DLG2: variants seen among roughly 807,000 people sequenced by gnomAD.
The protein encoded by DLG2 is discs large MAGUK scaffold protein 2.
DLG2 carries 45 observed loss-of-function variants against 132.5 expected under a neutral mutation model. The ratio of observed to expected loss-of-function variants is 0.34; its 90% CI spans 0.27 to 0.44. DLG2 has a LOEUF of 0.44. DLG2 is among the 20% of genes least tolerant of loss of function. The probability of loss-of-function intolerance (pLI) is 1.00; values close to 1 mark genes in which losing one functional copy is unlikely to be tolerated. For synonymous variants in DLG2, 424 were observed against 419.6 expected (o/e 1.01, Z -0.13); for missense variants, 1,045 against 1,196.9 (o/e 0.87, Z 1.87).
chr11:85,290,765 GA>G (rs1476321660), intron 3 of DLG2, among the ~76,000 whole-genome samples: 2 of 152,024 alleles, frequency 1.3e-5, no homozygotes, highest in African/African-American at 4.8e-5. Context: ...AGAGCTGAGA[GA>G]GCCCCTATTC....
In DLG2 at chr11:83,767,323, T is replaced by A. The variant is rs1190917169; in HGVS notation, c.1825+19367A>T. ...AGGTAAATGTGTGTCATGGTAGTAA[T>A]AATTATTTGATTAGAGAATTATCCC... On this transcript the variant is annotated intron_variant, in intron 18 of 27. Transcript: ENST00000376104. 3.3e-5 allele frequency among the ~76,000 whole-genome samples: 5 copies of A among 152,210 alleles called. No homozygotes were observed. In the East Asian group the frequency reaches 9.6e-4, roughly 29 times the overall value.
intron 3 of DLG2, chr11:85,286,067 G>A (rs1439597676): frequency 2.1e-5 from 9 of 434,640 alleles, no homozygotes; most frequent in Non-Finnish European, 4.1e-5. Flanking sequence ...TAACCTCCAA[G>A]AAGTCAACAG....
chr11:85,220,064 C>CATA (rs1392297563), intron 4 of DLG2, among the ~76,000 whole-genome samples: 1 of 151,950 alleles, frequency 6.6e-6, no homozygotes, highest in Non-Finnish European at 1.5e-5. Context: ...CTTTAACATA[C>CATA]TAGTGGTATG....
chr11:84,390,175 A>T (rs556850401), intron 7 of DLG2, among the ~76,000 whole-genome samples: 1 of 152,310 alleles, frequency 6.6e-6, no homozygotes, highest in South Asian at 2.1e-4. Context: ...TCTCTAATTA[A>T]TCAACACTCT....
intron 6 of DLG2, chr11:85,021,647 T>C (rs1592810990): frequency 8.3e-7 from 1 of 1,199,212 alleles, no homozygotes; most frequent in Non-Finnish European, 1.2e-6. Flanking sequence ...GTAACGTTGC[T>C]AGCCATTGTG....
chr11:85,109,366 C>G (rs1387863265), intron 6 of DLG2, among the ~76,000 whole-genome samples: 1 of 152,110 alleles, frequency 6.6e-6, no homozygotes, highest in Non-Finnish European at 1.5e-5. Context: ...CACCTGACCA[C>G]AGCACTGAGA....
chr11:84,940,179 C>G (rs2049221759), intron 6 of DLG2, among the ~76,000 whole-genome samples: 1 of 152,160 alleles, frequency 6.6e-6, no homozygotes, highest in South Asian at 2.1e-4. Flanking sequence ...TAAATGGACT[C>G]TTGCTCTGTC....
intron 7 of DLG2, among the ~76,000 whole-genome samples, chr11:84,371,730 C>CA (rs2098707429): frequency 6.6e-6 from 1 of 152,040 alleles, no homozygotes; most frequent in Non-Finnish European, 1.5e-5. Flanking sequence ...GGTTAGTTAA[C>CA]AAAAAAGTCC....
intron 6 of DLG2, among the ~76,000 whole-genome samples, chr11:84,570,424 AT>A (rs528331034): frequency 6.6e-6 from 1 of 152,024 alleles, no homozygotes; most frequent in Non-Finnish European, 1.5e-5. Context: ...CTTAATTATA[AT>A]TTTTTGTTAT....
intron 3 of DLG2, among the ~76,000 whole-genome samples, chr11:85,314,817 G>A (rs1441526953): frequency 6.6e-6 from 1 of 152,006 alleles, no homozygotes; most frequent in African/African-American, 2.4e-5. Context: ...AGTTCACAGA[G>A]GGGAGAAAGG....
At chr11:84,983,979 GAAGTCTAGGATTATGTT>G (rs1343020699) in intron 6 of DLG2, among the ~76,000 whole-genome samples, 6 of 152,226 alleles carry the variant, frequency 3.9e-5, no homozygotes, top group East Asian at 3.9e-4. Flanking sequence ...AAGCCTCCAA[GAAGTCTAGGATTATGTT>G]AAGTCTAGGA....
intron 10 of DLG2, among the ~76,000 whole-genome samples, chr11:84,066,700 G>T (rs1420021826): frequency 6.6e-6 from 1 of 152,072 alleles, no homozygotes; most frequent in Non-Finnish European, 1.5e-5. Flanking sequence ...GGCAGAGGTT[G>T]CAGTGAGCCG....
At chr11:84,732,041 T>G (rs998022384) in intron 6 of DLG2, among the ~76,000 whole-genome samples, 1 of 152,050 alleles carries the variant, frequency 6.6e-6, no homozygotes, top group Non-Finnish European at 1.5e-5. Flanking sequence ...ATACAATATG[T>G]GTTTGGAGTC....
intron 10 of DLG2, among the ~76,000 whole-genome samples, chr11:84,072,783 T>C (rs1438836551): frequency 6.6e-6 from 1 of 152,162 alleles, no homozygotes; most frequent in Non-Finnish European, 1.5e-5. Context: ...GTGGACTTGA[T>C]TAGATTTGGT....
intron 6 of DLG2, among the ~76,000 whole-genome samples, chr11:84,813,211 T>G (rs2076757255): frequency 6.6e-6 from 1 of 151,994 alleles, no homozygotes; most frequent in African/African-American, 2.4e-5. Flanking sequence ...CACACAAATG[T>G]AGGCCTGAGG....
rs187158591 is a variant in DLG2 at position 85,496,168 on chromosome 11, G to C, written c.40+102489C>G. Among the ~76,000 whole-genome samples, 21 of 152,282 alleles carry C rather than the reference G, an allele frequency of 1.4e-4. 1 individual carries two copies. Among genetic ancestry groups the C allele is most frequent in the African/African-American group, 4.1e-4 (17 of 41,576 alleles). On this transcript the variant is annotated intron_variant, in intron 3 of 27. Transcript: ENST00000376104. ...TAGCCAAGGGAAGCCATGAGTTACT[G>C]TACCTGGAGGAACAGTATACTCCTG...
At chr11:85,232,921 T>A (rs1192436335) in intron 4 of DLG2, among the ~76,000 whole-genome samples, 1 of 151,854 alleles carries the variant, frequency 6.6e-6, no homozygotes, top group East Asian at 1.9e-4. Flanking sequence ...GTGACCCAGA[T>A]GACAAGTCTC....
At chr11:85,472,724 G>A (rs921076729) in intron 3 of DLG2, among the ~76,000 whole-genome samples, 6 of 152,224 alleles carry the variant, frequency 3.9e-5, no homozygotes, top group South Asian at 2.1e-4. Flanking sequence ...CAAAGGAGCC[G>A]CTGTAACAGT....
chr11:84,983,145 T>G (rs183971202), intron 6 of DLG2, among the ~76,000 whole-genome samples: 189 of 152,266 alleles, frequency 1.2e-3, no homozygotes, highest in Non-Finnish European at 2.1e-3. Flanking sequence ...GTGTGGAGGC[T>G]TGCATTGTGA....
Sources: gnomAD v4.1 joint callset for allele counts (sites outside exome capture counted in the v4.1 genomes callset) on GRCh38, gnomAD v4.1.1 for gene constraint, MANE v1.5 for transcripts, NCBI Gene and HGNC (gene_info 2026-07-23, HGNC 2026-07-21) for gene names.